The following SEMA3F variants were observed in gnomAD, a reference collection of about 807,000 sequenced individuals.
SEMA3F encodes the protein semaphorin-3F.
Under a neutral mutation model 98.5 loss-of-function variants are expected in SEMA3F, and 30 were observed. The ratio of observed to expected loss-of-function variants is 0.30; its 90% CI spans 0.23 to 0.41. The LOEUF is 0.41. SEMA3F is among the 10% of genes least tolerant of loss of function. SEMA3F has a pLI of 1.00. For missense variants in SEMA3F, 866 were observed against 1,119.3 expected (o/e 0.77, Z 3.23); for synonymous variants, 380 against 444.8 (o/e 0.85, Z 1.83).
At chr3:50,181,345 G>A (rs1229891869) in intron 7 of SEMA3F, among the ~76,000 whole-genome samples, 2 of 150,232 alleles carry the variant, frequency 1.3e-5, no homozygotes, top group South Asian at 2.1e-4. Context: ...TTTTTGAGAC[G>A]GTTGTCTCAC....
In SEMA3F at chr3:50,186,709, G is replaced by T. The variant is rs778038011; in HGVS notation, c.1910G>T (p.Trp637Leu). The T allele has an allele frequency of 5.0e-6, 8 of 1,608,968 alleles. No homozygotes were observed. The highest frequency in any genetic ancestry group is 8.5e-7 in the Non-Finnish European group (1 of 1,175,848). Residue 637 changes from tryptophan (W) to leucine (L), a missense_variant, in exon 18 of 19, where the codon TGG (tryptophan) becomes TTG (leucine). By Grantham distance (61) the Trp-to-Leu change is moderately conservative. This residue lies in a region of SEMA3F where 245 missense variants were observed against 260.5 expected (regional missense o/e 0.94). Transcript: ENST00000002829. Reference sequence around the variant, plus strand: ...CGCTCGCCCCAAGCCACTGTTAAGTGGCTGTTCCAGCGAGATCCTGGTGAC... The same window carrying T: ...CGCTCGCCCCAAGCCACTGTTAAGTTGCTGTTCCAGCGAGATCCTGGTGAC... The part of the protein sequence containing the change: ...QPRSPQATVK[W>L]LFQRDPGDRR...
chr3:50,180,013 C>G (rs1382450181), intron 7 of SEMA3F, among the ~76,000 whole-genome samples: 1 of 152,206 alleles, frequency 6.6e-6, no homozygotes, highest in Non-Finnish European at 1.5e-5. Flanking sequence ...AATAGCCCTT[C>G]TAATTTCCTT....
chr3:50,187,254 CT>C (rs1298260658), intron 18 of SEMA3F, among the ~76,000 whole-genome samples: 1 of 152,060 alleles, frequency 6.6e-6, no homozygotes, highest in Non-Finnish European at 1.5e-5. Context: ...TGGTGAAACC[CT>C]CTCTCTACCA....
chr3:50,181,911 C>T (rs1357192341), intron 7 of SEMA3F, among the ~76,000 whole-genome samples: 2 of 152,244 alleles, frequency 1.3e-5, no homozygotes, highest in Non-Finnish European at 2.9e-5. Context: ...TGAGCCACTG[C>T]AGCTGGTCTA....
chr3:50,163,435 C>A (rs1698287656), intron 2 of SEMA3F, among the ~76,000 whole-genome samples: 1 of 152,236 alleles, frequency 6.6e-6, no homozygotes, highest in Non-Finnish European at 1.5e-5. Context: ...TTTGAGCCCT[C>A]CAGGCCAATA....
At position 50,188,548 on chromosome 3, in the gene SEMA3F, G is replaced by A. The variant is rs1016010132; in HGVS notation, c.*433G>A. ...TAGACATGGATGCGAGGACCACTTT[G>A]GAGACTGGGGTGGCCTCAAGAGCAC... On this transcript the variant is annotated 3_prime_UTR_variant, in exon 19 of 19. Coordinates refer to ENST00000002829, the MANE Select transcript of SEMA3F (RefSeq NM_004186.5). The surrounding 1 kb of genome is among the most constrained non-coding windows in gnomAD (Gnocchi z 4.5). The A allele has an allele frequency of 1.3e-5, 2 of 152,472 alleles. No homozygotes were observed. The highest frequency in any genetic ancestry group is 2.9e-5 in the Non-Finnish European group (2 of 68,096). The allele number at this position is 152,472 out of a possible 1,614,324, so 9.4% of individuals were successfully genotyped here.
chr3:50,185,317 C>A (rs1559738731), intron 13 of SEMA3F, 126 bp from the exon 14 acceptor site: 3 of 872,310 alleles, frequency 3.4e-6, no homozygotes, highest in Admixed American at 2.6e-5. Context: ...AACTCTTCCA[C>A]CTTGGCACAA....
chr3:50,187,898 C>T lies in SEMA3F; in HGVS notation c.2141C>T (p.Ala714Val), dbSNP rs1286964132. The T allele has an allele frequency of 1.2e-6, 2 of 1,609,266 alleles. No individual in the cohort carries two copies. Among genetic ancestry groups the T allele is most frequent in the African/African-American group, 1.3e-5 (1 of 74,856 alleles). Reference sequence around the variant, plus strand: ...CTCTTCCCACCACTGTCCATGAGCGCCCCGCCACCCCCAGGCGCAGGCCCC... The same window carrying T: ...CTCTTCCCACCACTGTCCATGAGCGTCCCGCCACCCCCAGGCGCAGGCCCC... ...AALFPPLSMSAPPPPGAGPPT... is the reference protein window; with the variant it reads ...AALFPPLSMSVPPPPGAGPPT... The change falls in exon 19 of 19, where the codon GCC becomes GTC. Residue 714 changes from alanine to valine, a missense_variant. By Grantham distance (64) the Ala-to-Val change is moderately conservative. Around this residue, in one of 3 missense-constraint regions of SEMA3F, gnomAD observed 245 missense variants for 260.5 expected, o/e 0.94. Coordinates refer to ENST00000002829, the MANE Select transcript of SEMA3F (RefSeq NM_004186.5).
chr3:50,186,237 G>A (rs1430478435), intron 16 of SEMA3F, 44 bp from the exon 17 acceptor site: 11 of 1,596,512 alleles, frequency 6.9e-6, no homozygotes, highest in South Asian at 1.1e-5. Context: ...ACCTGGGGGG[G>A]CAAGCTTCCT....
rs1410473250 is a variant in SEMA3F at position 50,158,279 on chromosome 3, C to T, written c.-48-1296C>T. 6.6e-6 allele frequency among the ~76,000 whole-genome samples: 1 copy of T among 152,232 alleles called. No homozygotes were observed. Among genetic ancestry groups the T allele is most frequent in the African/African-American group, 2.4e-5 (1 of 41,458 alleles). ...ACAGGGGATCTGGAAGGACCATGAGCGGTGTGCCAGGCCCTCGGGAGAGAA... is the reference window on the plus strand; with the variant it reads ...ACAGGGGATCTGGAAGGACCATGAGTGGTGTGCCAGGCCCTCGGGAGAGAA... On this transcript the variant is annotated intron_variant, in intron 1 of 18. Coordinates refer to ENST00000002829, the MANE Select transcript of SEMA3F (RefSeq NM_004186.5). The surrounding 1 kb of genome is among the most constrained non-coding windows in gnomAD (Gnocchi z 4.8).
rs1467691852 is a variant in SEMA3F at position 50,166,459 on chromosome 3, G to A, written c.112+6725G>A. On this transcript the variant is annotated intron_variant, in intron 2 of 18. Transcript: ENST00000002829. This position sits in a 1 kb window ranked among gnomAD's most constrained non-coding sequence, Gnocchi z 4.7. ...TTTTTATCAGCGCCTTCCTGGCTGGGCCTGGGGCCTGTGCGGAGTGCTCAC... is the reference window on the plus strand; with the variant it reads ...TTTTTATCAGCGCCTTCCTGGCTGGACCTGGGGCCTGTGCGGAGTGCTCAC... Among the ~76,000 whole-genome samples, 2 of 152,216 alleles carry A rather than the reference G, an allele frequency of 1.3e-5. No homozygotes were observed. Among genetic ancestry groups the A allele is most frequent in the Admixed American group, 1.3e-4 (2 of 15,286 alleles).
Position 50,155,562 on chromosome 3 carries a change from G to A in SEMA3F, c.-51G>A, listed in dbSNP as rs1697942884. On this transcript the variant is annotated splice_region_variant and 5_prime_UTR_variant, in exon 1 of 19. Transcript: ENST00000002829. This position sits in a 1 kb window ranked among gnomAD's most constrained non-coding sequence, Gnocchi z 4.9. ...GCGCCCAGGCCCCGCCGCTGCGGAA[G>A]AGGTGAGTGCAGCGGGAACCGGGAG... is the stretch of plus-strand genomic sequence containing the variant. 2 of 316,830 alleles carry A rather than the reference G, an allele frequency of 6.3e-6. No individual in the cohort carries two copies. Among genetic ancestry groups the A allele is most frequent in the South Asian group, 1.4e-4 (1 of 7,020 alleles). The allele number at this position is 316,830 out of a possible 1,614,324, so 19.6% of individuals were successfully genotyped here.
chr3:50,157,235 C>T (rs1374710299), intron 1 of SEMA3F, among the ~76,000 whole-genome samples: 2 of 152,114 alleles, frequency 1.3e-5, no homozygotes, highest in African/African-American at 2.4e-5. Context: ...TGTCCCATCC[C>T]AGGTGCCTCC....
chr3:50,183,083 G>C (rs1018867058), intron 10 of SEMA3F, 65 bp downstream of exon 10: 3 of 1,570,804 alleles, frequency 1.9e-6, no homozygotes, highest in Non-Finnish European at 2.6e-6. Flanking sequence ...CGGGATGGGC[G>C]ATCAGGGTGC....
chr3:50,178,033 G>A (rs1167224768), intron 7 of SEMA3F, among the ~76,000 whole-genome samples: 1 of 152,170 alleles, frequency 6.6e-6, no homozygotes. Context: ...CCTGAGATCA[G>A]GAGCTCGAGA....
At chr3:50,185,825 T>A (rs1559739305) in intron 15 of SEMA3F, 64 bp from the exon 16 acceptor site, 11 of 1,604,184 alleles carry the variant, frequency 6.9e-6, no homozygotes, top group Admixed American at 1.7e-5. Context: ...GAGCCCAGCC[T>A]AGCTGGCTGT....
chr3:50,182,682 G>A lies in SEMA3F; in HGVS notation c.802G>A (p.Ala268Thr), dbSNP rs762810649. The A allele has an allele frequency of 5.6e-6, 9 of 1,613,628 alleles. No individual in the cohort carries two copies. The African/African-American group carries it at 1.1e-4, about 19-fold the overall frequency. The stretch of plus-strand genomic sequence containing the variant: ...CCATGCTGAGCTCATTCCTGACAGT[G>A]CGGAGCGCAATGATGATAAGCTTTA... ...FIHAELIPDS[A>T]ERNDDKLYFF... Residue 268 changes from alanine (A) to threonine (T), a missense_variant, in exon 9 of 19, where the codon GCG (alanine) becomes ACG (threonine). Around this residue, in one of 3 missense-constraint regions of SEMA3F, gnomAD observed 374 missense variants for 582.8 expected, o/e 0.64. Coordinates refer to ENST00000002829, the MANE Select transcript of SEMA3F (RefSeq NM_004186.5). The surrounding 1 kb of genome is among the most constrained non-coding windows in gnomAD (Gnocchi z 4.5).
At chr3:50,181,976 T>C (rs1474423668) in intron 7 of SEMA3F, among the ~76,000 whole-genome samples, 1 of 152,244 alleles carries the variant, frequency 6.6e-6, no homozygotes, top group Non-Finnish European at 1.5e-5. Context: ...GTAGAAATAC[T>C]GTACAGTGGT....
chr3:50,162,790 G>A (rs574431119), intron 2 of SEMA3F, among the ~76,000 whole-genome samples: 26 of 152,222 alleles, frequency 1.7e-4, no homozygotes, highest in Non-Finnish European at 3.2e-4. Flanking sequence ...ATGTTTGGTG[G>A]GGTAGAAGGA....
Sources: gnomAD v4.1 joint callset for allele counts (sites outside exome capture counted in the v4.1 genomes callset) on GRCh38, gnomAD v4.1.1 for gene constraint, gnomAD v4.1.1 regional missense constraint, Gnocchi (gnomAD v3.1) non-coding constraint, MANE v1.5 for transcripts, NCBI Gene and HGNC (gene_info 2026-07-23, HGNC 2026-07-21) for gene names.